The following CTIF variants were observed in gnomAD, a reference collection of about 807,000 sequenced individuals.
The protein encoded by CTIF is cap binding complex dependent translation initiation factor.
Under a neutral mutation model 66.0 loss-of-function variants are expected in CTIF, and 21 were observed. The ratio of observed to expected loss-of-function variants is 0.32; its 90% CI spans 0.23 to 0.46. CTIF has a LOEUF of 0.46. CTIF is among the 20% of genes least tolerant of loss of function. The probability of loss-of-function intolerance (pLI) is 1.00; values close to 1 mark genes in which losing one functional copy is unlikely to be tolerated. For synonymous variants in CTIF, 345 were observed against 326.4 expected (o/e 1.06, Z -0.62); for missense variants, 739 against 812.7 (o/e 0.91, Z 1.10).
intron 10 of CTIF, among the ~76,000 whole-genome samples, chr18:48,821,831 G>T (rs1051373245): frequency 4.6e-5 from 7 of 152,136 alleles, no homozygotes; most frequent in African/African-American, 1.7e-4. Flanking sequence ...TAGTTTTACT[G>T]TGGTAAGGAT....
chr18:48,695,835 G>A (rs894468330), intron 6 of CTIF, among the ~76,000 whole-genome samples: 39 of 152,322 alleles, frequency 2.6e-4, no homozygotes, highest in African/African-American at 7.2e-4. Flanking sequence ...GGAGAAGAGC[G>A]CGTATTTATC....
chr18:48,822,505 A>ACAC (rs2068504727), intron 10 of CTIF, among the ~76,000 whole-genome samples: 3 of 107,574 alleles, frequency 2.8e-5, no homozygotes, highest in African/African-American at 1.1e-4. Flanking sequence ...CCCCACCCCC[A>ACAC]ACACACACAC....
chr18:48,839,874 C>T (rs775974946), intron 10 of CTIF, among the ~76,000 whole-genome samples: 3 of 152,246 alleles, frequency 2.0e-5, no homozygotes, highest in South Asian at 2.1e-4. Context: ...GAGGCCCTTC[C>T]GAATGGCCTC....
chr18:48,646,972 G>A (rs1229597336), intron 3 of CTIF, among the ~76,000 whole-genome samples: 2 of 149,286 alleles, frequency 1.3e-5, no homozygotes, highest in Non-Finnish European at 3.0e-5. Flanking sequence ...TTGCACTCCT[G>A]GGTGTTTATC....
chr18:48,826,335 G>A (rs2068582024), intron 10 of CTIF: 1 of 152,038 alleles, frequency 6.6e-6, no homozygotes, highest in Admixed American at 6.6e-5. Flanking sequence ...CTCCCAACGG[G>A]GCATCCAAGG....
chr18:48,630,992 T>C (rs117354347), intron 2 of CTIF, among the ~76,000 whole-genome samples: 3,773 of 152,252 alleles, frequency 0.025, 89 homozygotes, highest in Non-Finnish European at 0.036. Flanking sequence ...TCTAGCTTTA[T>C]GAGATACTTT....
chr18:48,749,064 C>T (rs780038646), intron 7 of CTIF, among the ~76,000 whole-genome samples: 3 of 152,212 alleles, frequency 2.0e-5, no homozygotes, highest in East Asian at 1.9e-4. Flanking sequence ...AACTTTTAGG[C>T]GACTTTCTGT....
rs1157387319 is a variant in CTIF at position 48,861,875 on chromosome 18, T to A, written c.*2316T>A. 6.6e-6 allele frequency: 1 copy of A among 152,166 alleles called. No homozygotes were observed. Among genetic ancestry groups the A allele is most frequent in the Non-Finnish European group, 1.5e-5 (1 of 68,028 alleles). The allele number at this position is 152,166 out of a possible 1,614,324, so 9.4% of individuals were successfully genotyped here. On this transcript the variant is annotated 3_prime_UTR_variant, in exon 12 of 12. Coordinates refer to ENST00000256413, the MANE Select transcript of CTIF (RefSeq NM_014772.3). ...AGTGAAATATAAATATGTATACATA[T>A]ATAAATATATTTTTAATTACATGTC... is the stretch of plus-strand genomic sequence containing the variant.
In CTIF at chr18:48,761,730, C is replaced by T. The variant is rs998632233; in HGVS notation, c.1371+41C>T. On this transcript the variant is annotated intron_variant, in intron 9 of 11. Coordinates refer to ENST00000256413, the MANE Select transcript of CTIF (RefSeq NM_014772.3). The surrounding 1 kb of genome is among the most constrained non-coding windows in gnomAD (Gnocchi z 4.2). ...CCACCACCGCCCCGCGCCCCCTGCC[C>T]CTCTGCGTTCGGTGAGTTATTCCTA... The T allele has an allele frequency of 4.5e-6, 7 of 1,568,782 alleles. No homozygotes were observed. The African/African-American group carries it at 8.1e-5, about 18-fold the overall frequency.
Position 48,666,674 on chromosome 18 carries a change from G to A in CTIF, c.431+2123G>A, listed in dbSNP as rs1156914758. On this transcript the variant is annotated intron_variant, in intron 5 of 11. Transcript: ENST00000256413. ...CCATTTCTCTTTGGGTGAAGAGGGA[G>A]AGATGGCTTTGCGCATGGAGGCACT... 3.9e-5 allele frequency among the ~76,000 whole-genome samples: 6 copies of A among 152,174 alleles called. 1 individual carries two copies. The highest frequency in any genetic ancestry group is 8.8e-5 in the Non-Finnish European group (6 of 68,040).
At chr18:48,604,168 G>GT (rs34544217) in intron 1 of CTIF, among the ~76,000 whole-genome samples, 10,487 of 63,162 alleles carry the variant, frequency 0.17, 3,418 homozygotes, top group Middle Eastern at 0.22. Context: ...TTTTTTAAGG[G>GT]TTTTTTTTTT....
chr18:48,610,070 G>A (rs1036391764), intron 1 of CTIF, among the ~76,000 whole-genome samples: 3 of 152,186 alleles, frequency 2.0e-5, no homozygotes, highest in African/African-American at 7.2e-5. Context: ...GGCTGGGGGA[G>A]CCACAGGCCC....
chr18:48,813,894 A>C (rs1352468240), intron 9 of CTIF, among the ~76,000 whole-genome samples: 1 of 152,164 alleles, frequency 6.6e-6, no homozygotes, highest in Non-Finnish European at 1.5e-5. Flanking sequence ...CAAGGCCTGG[A>C]ATAAGGGTGG....
rs979494544 is a variant in CTIF at position 48,652,188 on chromosome 18, T to C, written c.253-11564T>C. On this transcript the variant is annotated intron_variant, in intron 3 of 11. Transcript: ENST00000256413. ...AAAAACCCTTCAAAAAATCAATGAA[T>C]CCAGGAGCTGGTTTTTTGAAAAGAT... 4.6e-5 allele frequency among the ~76,000 whole-genome samples: 7 copies of C among 152,076 alleles called. 1 individual carries two copies. The highest frequency in any genetic ancestry group is 4.1e-4 in the South Asian group (2 of 4,826).
chr18:48,806,022 T>G (rs2068140100), intron 9 of CTIF, among the ~76,000 whole-genome samples: 1 of 152,012 alleles, frequency 6.6e-6, no homozygotes. Context: ...TCAACAGACA[T>G]CAGACCTAGT....
chr18:48,651,180 A>G (rs563691980), intron 3 of CTIF, among the ~76,000 whole-genome samples: 6 of 152,372 alleles, frequency 3.9e-5, no homozygotes, highest in East Asian at 3.9e-4. Context: ...AAATGCCCCA[A>G]TTAAAAGACA....
chr18:48,746,195 G>T (rs2092595119), intron 7 of CTIF, among the ~76,000 whole-genome samples: 1 of 152,128 alleles, frequency 6.6e-6, no homozygotes, highest in African/African-American at 2.4e-5. Flanking sequence ...CCCCAAGAAG[G>T]GCTGGACAAG....
At chr18:48,615,126 C>T (rs1356807903) in intron 1 of CTIF, among the ~76,000 whole-genome samples, 1 of 152,070 alleles carries the variant, frequency 6.6e-6, no homozygotes, top group Non-Finnish European at 1.5e-5. Flanking sequence ...AAATTCCTGG[C>T]TTCAAGTGAT....
intron 6 of CTIF, chr18:48,688,377 G>C (rs2145228434): frequency 6.6e-6 from 1 of 152,416 alleles, no homozygotes. Flanking sequence ...GAAGAAGAGA[G>C]GGTCAGATGA....
Sources: allele counts gnomAD v4.1 joint callset (sites outside exome capture counted in the v4.1 genomes callset), GRCh38; gene constraint gnomAD v4.1.1; non-coding constraint Gnocchi (gnomAD v3.1); transcripts MANE v1.5; gene names NCBI Gene and HGNC (gene_info 2026-07-23, HGNC 2026-07-21).